The following DTNA variants were observed in gnomAD, a reference collection of about 807,000 sequenced individuals.
The protein encoded by DTNA is dystrobrevin alpha.
A neutral mutation model predicts 100.7 loss-of-function variants in DTNA; 43 were observed. That is an observed-to-expected ratio of 0.43 (90% CI 0.33 to 0.55). The LOEUF (loss-of-function observed/expected upper bound fraction) is 0.55, where lower values mean the gene tolerates loss of function less well. Ranked by LOEUF, DTNA falls within the 20% of genes least tolerant of loss-of-function variation. The probability of loss-of-function intolerance (pLI) is 0.04; values close to 1 mark genes in which losing one functional copy is unlikely to be tolerated. For missense variants in DTNA, 798 were observed against 953.9 expected (o/e 0.84, Z 2.15); for synonymous variants, 349 against 347.9 (o/e 1.00, Z -0.04).
chr18:34,714,812 G>A (rs974430370), intron 1 of DTNA, among the ~76,000 whole-genome samples: 6 of 152,158 alleles, frequency 3.9e-5, no homozygotes, highest in Middle Eastern at 3.4e-3. Context: ...CAAGCCAAAC[G>A]TCCAACAATG....
intron 17 of DTNA, chr18:34,866,491 T>C (rs1468909107): frequency 2.5e-5 from 30 of 1,185,222 alleles, no homozygotes; most frequent in Non-Finnish European, 3.1e-5. Context: ...CCACAGTCAC[T>C]AGAGATACCC....
intron 1 of DTNA, among the ~76,000 whole-genome samples, chr18:34,754,704 G>A (rs1266117835): frequency 6.6e-6 from 1 of 152,200 alleles, no homozygotes; most frequent in East Asian, 1.9e-4. Context: ...TGTATACATT[G>A]TAGGAAGAGT....
At chr18:34,756,400 C>CA (rs2092771889) in intron 2 of DTNA, among the ~76,000 whole-genome samples, 1 of 152,164 alleles carries the variant, frequency 6.6e-6, no homozygotes, top group South Asian at 2.1e-4. Flanking sequence ...CCTGAACTGT[C>CA]ACAGCAGCTG....
intron 1 of DTNA, among the ~76,000 whole-genome samples, chr18:34,731,924 A>G (rs575543748): frequency 2.6e-5 from 4 of 152,190 alleles, no homozygotes; most frequent in Non-Finnish European, 5.9e-5. Flanking sequence ...AACTCTGAAG[A>G]TGTTGGAACA....
At position 34,818,235 on chromosome 18, in the gene DTNA, T is replaced by C; in HGVS notation, c.781T>C (p.Cys261Arg). 1 of 1,614,042 alleles carries C rather than the reference T, an allele frequency of 6.2e-7. No homozygotes were observed. Among genetic ancestry groups the C allele is most frequent in the Non-Finnish European group, 8.5e-7 (1 of 1,179,960 alleles). The change falls in exon 8 of 23, where the codon TGT becomes CGT. Residue 261 changes from cysteine (C) to arginine (R), a missense_variant. Physicochemically the swap from Cys to Arg is radical, Grantham distance 180 (BLOSUM62 -3). Around this residue, in one of 6 missense-constraint regions of DTNA, gnomAD observed 81 missense variants for 153.5 expected, o/e 0.53. Transcript: ENST00000444659. Reference sequence around the variant, plus strand: ...GGGATTTCGCTACCGATGCCAACAGTGTCACAATTACCAGCTCTGTCAGGA... The same window carrying C: ...GGGATTTCGCTACCGATGCCAACAGCGTCACAATTACCAGCTCTGTCAGGA... Reference protein sequence around the residue: ...MMGFRYRCQQCHNYQLCQDCF... With the variant: ...MMGFRYRCQQRHNYQLCQDCF...
chr18:34,528,234 C>T (rs1174046629), intron 1 of DTNA, among the ~76,000 whole-genome samples: 1 of 151,996 alleles, frequency 6.6e-6, no homozygotes, highest in Non-Finnish European at 1.5e-5. Context: ...GAACTTCTGC[C>T]AAATCTGTTA....
intron 1 of DTNA, among the ~76,000 whole-genome samples, chr18:34,548,324 A>G (rs1000934510): frequency 6.6e-6 from 1 of 152,134 alleles, no homozygotes; most frequent in Non-Finnish European, 1.5e-5. Context: ...CAGACCAGAA[A>G]GCAAAGCTGT....
intron 1 of DTNA, among the ~76,000 whole-genome samples, chr18:34,643,121 T>C (rs987320858): frequency 2.0e-5 from 3 of 152,160 alleles, no homozygotes; most frequent in African/African-American, 4.8e-5. Context: ...ACATGGCCAG[T>C]CTTTAGTGGG....
intron 1 of DTNA, among the ~76,000 whole-genome samples, chr18:34,639,839 G>T (rs767267378): frequency 6.6e-6 from 1 of 152,180 alleles, no homozygotes; most frequent in Non-Finnish European, 1.5e-5. Flanking sequence ...ATTTAGAAAT[G>T]AAGAGGGACT....
At chr18:34,664,374 A>G (rs370186909) in intron 1 of DTNA, among the ~76,000 whole-genome samples, 1 of 152,186 alleles carries the variant, frequency 6.6e-6, no homozygotes, top group Non-Finnish European at 1.5e-5. Flanking sequence ...TGTCACATAA[A>G]TGAATTTATA....
At chr18:34,871,661 T>C (rs2096767178) in intron 17 of DTNA, among the ~76,000 whole-genome samples, 1 of 152,118 alleles carries the variant, frequency 6.6e-6, no homozygotes, top group Non-Finnish European at 1.5e-5. Flanking sequence ...AGTGACATCA[T>C]CACTGATCTG....
chr18:34,608,241 C>G (rs1432110590), intron 1 of DTNA, among the ~76,000 whole-genome samples: 1 of 152,158 alleles, frequency 6.6e-6, no homozygotes, highest in Non-Finnish European at 1.5e-5. Context: ...AGATAGGCAG[C>G]CTGACCTATG....
intron 3 of DTNA, among the ~76,000 whole-genome samples, chr18:34,782,772 AAC>A (rs1315348032): frequency 6.6e-6 from 1 of 152,234 alleles, no homozygotes; most frequent in Non-Finnish European, 1.5e-5. Context: ...CTGAGGTCCA[AAC>A]ACTGATTTTC....
At chr18:34,854,663 C>A (rs951807100) in intron 15 of DTNA, among the ~76,000 whole-genome samples, 6 of 152,306 alleles carry the variant, frequency 3.9e-5, no homozygotes, top group African/African-American at 1.4e-4. Flanking sequence ...AGACATCATT[C>A]CATAATCCCT....
In DTNA at chr18:34,889,953, C is replaced by CGTA; in HGVS notation, c.*2219_*2220insGTA. On this transcript the variant is annotated 3_prime_UTR_variant, in exon 23 of 23. Coordinates refer to ENST00000444659, the MANE Select transcript of DTNA (RefSeq NM_001386795.1). ...AGATGGAGCAGGTGGCCACTGGTGC[C>CGTA]TCATACTCAGTATTGAAAACCACTA... The CGTA allele has an allele frequency of 4.6e-6, 5 of 1,082,606 alleles. No individual in the cohort carries two copies. The highest frequency in any genetic ancestry group is 6.7e-5 in the South Asian group (2 of 29,878). The allele number at this position is 1,082,606 out of a possible 1,614,324, so 67.1% of individuals were successfully genotyped here.
At chr18:34,531,619 A>G (rs1050591481) in intron 1 of DTNA, among the ~76,000 whole-genome samples, 1 of 152,128 alleles carries the variant, frequency 6.6e-6, no homozygotes, top group Admixed American at 6.6e-5. Context: ...TGGGAACACA[A>G]AATATTTAAT....
intron 3 of DTNA, among the ~76,000 whole-genome samples, chr18:34,771,229 G>A (rs1438926833): frequency 1.4e-4 from 21 of 152,304 alleles, no homozygotes; most frequent in Non-Finnish European, 1.5e-5. Context: ...TCCAGGCGTG[G>A]TGGCTCACAC....
chr18:34,518,184 A>G (rs1423950452), intron 1 of DTNA, among the ~76,000 whole-genome samples: 2 of 152,156 alleles, frequency 1.3e-5, no homozygotes, highest in Non-Finnish European at 2.9e-5. Flanking sequence ...ATGACTAACG[A>G]TGTTGAACAT....
intron 1 of DTNA, among the ~76,000 whole-genome samples, chr18:34,604,833 A>G (rs946706331): frequency 6.6e-6 from 1 of 152,114 alleles, no homozygotes; most frequent in African/African-American, 2.4e-5. Flanking sequence ...AGTTTCCTAT[A>G]TGGTACCCCA....
Sources: allele counts gnomAD v4.1 joint callset (sites outside exome capture counted in the v4.1 genomes callset), GRCh38; gene constraint gnomAD v4.1.1; regional missense constraint gnomAD v4.1.1; transcripts MANE v1.5; gene names NCBI Gene and HGNC (gene_info 2026-07-23, HGNC 2026-07-21).